ACSBG1: variants seen among roughly 807,000 people sequenced by gnomAD.
ACSBG1 encodes the protein long-chain-fatty-acid--CoA ligase ACSBG1.
In ACSBG1, 39 loss-of-function variants were observed where a neutral mutation model predicts 80.2. The observed-to-expected ratio is 0.49, with a 90% CI of 0.38 to 0.64. The LOEUF is 0.64. Ranked by LOEUF, ACSBG1 falls within the 30% of genes least tolerant of loss-of-function variation. ACSBG1 has a pLI of 0.00. For synonymous variants in ACSBG1, 392 were observed against 379.5 expected (o/e 1.03, Z -0.38); for missense variants, 828 against 966.4 (o/e 0.86, Z 1.90).
rs922217372 is a variant in ACSBG1 at position 78,180,898 on chromosome 15, T to C, written c.1110A>G (p.Thr370=). Residue 370 remains threonine, a synonymous_variant, in exon 9 of 14, where the codon ACA becomes ACG. Transcript: ENST00000258873. ...ATACCCGGGGCACCCCCATGTGTGA[T>C]GTGGGCTCCACCTCCCGCAGCGTGT... ...LVNTLREVEP[T]SHMGVPRVWE... The C allele has an allele frequency of 1.9e-6, 3 of 1,614,088 alleles. No homozygotes were observed. In the African/African-American group the frequency reaches 4.0e-5, roughly 22 times the overall value.
chr15:78,225,951 G>A (rs924328454), intron 1 of ACSBG1, among the ~76,000 whole-genome samples: 1 of 152,152 alleles, frequency 6.6e-6, no homozygotes, highest in Admixed American at 6.6e-5. Context: ...GTGATTGTTG[G>A]CAGGATTCAG....
At chr15:78,174,120 A>G (rs1376307509) in intron 12 of ACSBG1, among the ~76,000 whole-genome samples, 1 of 152,226 alleles carries the variant, frequency 6.6e-6, no homozygotes, top group Non-Finnish European at 1.5e-5. Context: ...AAGTACCTGC[A>G]GAGAGCAATG....
chr15:78,215,782 GAAA>G (rs2075307344), intron 1 of ACSBG1, among the ~76,000 whole-genome samples: 1 of 149,016 alleles, frequency 6.7e-6, no homozygotes, highest in African/African-American at 2.5e-5. Flanking sequence ...AAGAAAGAAA[GAAA>G]GAGAAAGAAA....
In ACSBG1 at chr15:78,203,285, G is replaced by T. The variant is rs532513608; in HGVS notation, c.232+4717C>A. Among the ~76,000 whole-genome samples, 14 of 152,266 alleles carry T rather than the reference G, an allele frequency of 9.2e-5. No homozygotes were observed. In the South Asian group the frequency reaches 2.1e-3, roughly 23 times the overall value. ...TGCTGTAGTAACAGCCAAGAACGGGGCCAGGACACAATCAAGGTCTCTGTT... is the reference window on the plus strand; with the variant it reads ...TGCTGTAGTAACAGCCAAGAACGGGTCCAGGACACAATCAAGGTCTCTGTT... On this transcript the variant is annotated intron_variant, in intron 2 of 13. Coordinates refer to ENST00000258873, the MANE Select transcript of ACSBG1 (RefSeq NM_015162.5).
At chr15:78,211,271 T>C (rs1367266107) in intron 1 of ACSBG1, among the ~76,000 whole-genome samples, 1 of 152,254 alleles carries the variant, frequency 6.6e-6, no homozygotes, top group Non-Finnish European at 1.5e-5. Context: ...ATTGTGATCA[T>C]CATGAGCACG....
Position 78,169,915 on chromosome 15 carries a change from C to A in ACSBG1, c.*1529G>T, listed in dbSNP as rs887554965. ...CAGGTAGTTCTGGGGGCGATACTGCCGAAAGGCCCGAACACATGTATTTTG... is the reference window on the plus strand; with the variant it reads ...CAGGTAGTTCTGGGGGCGATACTGCAGAAAGGCCCGAACACATGTATTTTG... On this transcript the variant is annotated 3_prime_UTR_variant, in exon 14 of 14. Coordinates refer to ENST00000258873, the MANE Select transcript of ACSBG1 (RefSeq NM_015162.5). 1 of 152,190 alleles carries A rather than the reference C, an allele frequency of 6.6e-6. No homozygotes were observed. The highest frequency in any genetic ancestry group is 1.5e-5 in the Non-Finnish European group (1 of 68,034). The allele number at this position is 152,190 out of a possible 1,614,324, so 9.4% of individuals were successfully genotyped here. A position where few individuals can be genotyped will look rare whatever the true frequency, so the allele number is the denominator to read the frequency against.
chr15:78,206,696 TG>T (rs1353628702), intron 2 of ACSBG1, among the ~76,000 whole-genome samples: 1 of 152,184 alleles, frequency 6.6e-6, no homozygotes, highest in African/African-American at 2.4e-5. Flanking sequence ...GGACCCTCTC[TG>T]GGACTCCCTA....
chr15:78,215,740 A>AAGGAAGAAAGAC (rs2075304159), intron 1 of ACSBG1, among the ~76,000 whole-genome samples: 1 of 132,150 alleles, frequency 7.6e-6, no homozygotes, highest in Admixed American at 7.1e-5. Context: ...GAAAGAAAGA[A>AAGGAAGAAAGAC]AGAAAGAAAG....
intron 2 of ACSBG1, among the ~76,000 whole-genome samples, chr15:78,199,855 A>T (rs1284468739): frequency 2.0e-5 from 3 of 152,050 alleles, no homozygotes; most frequent in Non-Finnish European, 4.4e-5. Flanking sequence ...CAAATCATCC[A>T]TCTTTAACGT....
At chr15:78,184,242 T>C (rs1406813821) in intron 5 of ACSBG1, among the ~76,000 whole-genome samples, 1 of 152,152 alleles carries the variant, frequency 6.6e-6, no homozygotes, top group Non-Finnish European at 1.5e-5. Flanking sequence ...GGTATGATCA[T>C]GGCCCACTGC....
At chr15:78,181,055 C>T in intron 8 of ACSBG1, 119 bp from the exon 9 acceptor site, 1 of 1,170,480 alleles carries the variant, frequency 8.5e-7, no homozygotes, top group South Asian at 1.5e-5. Context: ...CCCACACACA[C>T]CTGCACGCAA....
intron 1 of ACSBG1, among the ~76,000 whole-genome samples, chr15:78,215,762 G>GAA (rs1317588094): frequency 6.7e-6 from 1 of 149,488 alleles, no homozygotes; most frequent in Non-Finnish European, 1.5e-5. Context: ...AAGAAAGAAA[G>GAA]AAAGAAAGAA....
intron 1 of ACSBG1, among the ~76,000 whole-genome samples, chr15:78,228,005 G>T (rs1052898066): frequency 6.6e-6 from 1 of 152,172 alleles, no homozygotes; most frequent in African/African-American, 2.4e-5. Flanking sequence ...CTAATCTCTT[G>T]CCTTAGCCTC....
chr15:78,182,563 G>A lies in ACSBG1; in HGVS notation c.797C>T (p.Ala266Val). 2 of 1,614,094 alleles carry A rather than the reference G, an allele frequency of 1.2e-6. No homozygotes were observed. ...GNEVPEEALDAIIDTQQPNQC... is the reference protein window; with the variant it reads ...GNEVPEEALDVIIDTQQPNQC... The stretch of plus-strand genomic sequence containing the variant: ...GTTGGGCTGCTGGGTGTCAATGATG[G>A]CGTCCAGGGCTTCCTCAGGCACTTC... Residue 266 changes from alanine to valine, a missense_variant, in exon 7 of 14, where the codon GCC becomes GTC. Physicochemically the swap from Ala to Val is moderately conservative, Grantham distance 64 (BLOSUM62 0). Around this residue, in one of 3 missense-constraint regions of ACSBG1, gnomAD observed 356 missense variants for 363.5 expected, o/e 0.98. Transcript: ENST00000258873.
chr15:78,211,387 A>G (rs767546316), intron 1 of ACSBG1, among the ~76,000 whole-genome samples: 2 of 152,242 alleles, frequency 1.3e-5, no homozygotes, highest in African/African-American at 2.4e-5. Flanking sequence ...ATTAATGACA[A>G]TAATGGTGGA....
At chr15:78,207,811 C>T (rs942355560) in intron 2 of ACSBG1, 191 bp downstream of exon 2, 13 of 600,702 alleles carry the variant, frequency 2.2e-5, no homozygotes, top group Admixed American at 5.7e-5. Flanking sequence ...CTTTCCATCA[C>T]GCCTGGCCCT....
chr15:78,188,023 C>T (rs1207348504), intron 5 of ACSBG1, among the ~76,000 whole-genome samples: 1 of 152,130 alleles, frequency 6.6e-6, no homozygotes, highest in Non-Finnish European at 1.5e-5. Flanking sequence ...CATTCTTATA[C>T]CCCAATAACA....
At chr15:78,217,860 C>T (rs2075325252) in intron 1 of ACSBG1, among the ~76,000 whole-genome samples, 1 of 152,208 alleles carries the variant, frequency 6.6e-6, no homozygotes, top group Admixed American at 6.5e-5. Context: ...GCCACCGCAC[C>T]CGGCCTGGAA....
chr15:78,192,810 C>A (rs2075068001), intron 5 of ACSBG1, among the ~76,000 whole-genome samples: 1 of 152,164 alleles, frequency 6.6e-6, no homozygotes, highest in African/African-American at 2.4e-5. Flanking sequence ...GAATCACAGG[C>A]AAGCCAACAA....
Sources: gnomAD v4.1 joint callset for allele counts (sites outside exome capture counted in the v4.1 genomes callset) on GRCh38, gnomAD v4.1.1 for gene constraint, gnomAD v4.1.1 regional missense constraint, MANE v1.5 for transcripts, NCBI Gene and HGNC (gene_info 2026-07-23, HGNC 2026-07-21) for gene names.